Variants in CNTN5 observed in about 807,000 individuals in gnomAD.
The protein encoded by CNTN5 is contactin 5, also known as contactin-5.
Under a neutral mutation model 129.1 loss-of-function variants are expected in CNTN5, and 77 were observed. That is an observed-to-expected ratio of 0.60 (90% CI 0.50 to 0.72). The LOEUF (loss-of-function observed/expected upper bound fraction) is 0.72, where lower values mean the gene tolerates loss of function less well. Ranked by LOEUF, CNTN5 falls within the 30% of genes least tolerant of loss-of-function variation. CNTN5 has a pLI of 0.00. For synonymous variants in CNTN5, 509 were observed against 465.6 expected (o/e 1.09, Z -1.20); for missense variants, 1,478 against 1,328.8 (o/e 1.11, Z -1.75).
At chr11:100,115,728 A>G in intron 13 of CNTN5, among the ~76,000 whole-genome samples, 1 of 152,058 alleles carries the variant, frequency 6.6e-6, no homozygotes, top group Non-Finnish European at 1.5e-5. Flanking sequence ...ATAAAATGTT[A>G]GTGGAATTTG....
chr11:100,091,424 CTTTTTT>C (rs60075209), intron 13 of CNTN5, among the ~76,000 whole-genome samples: 10,958 of 114,266 alleles, frequency 0.096, 743 homozygotes, highest in African/African-American at 0.27. Flanking sequence ...TTTATTTATT[CTTTTTT>C]TTTTTTTTTT....
chr11:99,282,780 A>G lies in CNTN5; in HGVS notation c.-209-42566A>G, dbSNP rs78324540. ...ACAGGAAAGCGTTACTTTTCCCTCA[A>G]CAAAGGAAACCCCTACTTAGATTCC... is the stretch of plus-strand genomic sequence containing the variant. On this transcript the variant is annotated intron_variant, in intron 1 of 24. Coordinates refer to ENST00000524871, the MANE Select transcript of CNTN5 (RefSeq NM_014361.4). Among the ~76,000 whole-genome samples, 391 of 152,070 alleles carry G rather than the reference A, an allele frequency of 2.6e-3. 1 individual carries two copies. Among genetic ancestry groups the G allele is most frequent in the Non-Finnish European group, 4.4e-3 (301 of 67,968 alleles).
At chr11:100,039,868 A>G (rs1942269749) in intron 9 of CNTN5, among the ~76,000 whole-genome samples, 1 of 152,004 alleles carries the variant, frequency 6.6e-6, no homozygotes, top group Non-Finnish European at 1.5e-5. Context: ...TTATCCATTC[A>G]TCTAACTTTT....
intron 3 of CNTN5, among the ~76,000 whole-genome samples, chr11:99,688,161 A>G (rs1437112945): frequency 1.3e-5 from 2 of 152,152 alleles, no homozygotes; most frequent in African/African-American, 4.8e-5. Flanking sequence ...AAGGAAACAG[A>G]GTAGTCATAT....
intron 3 of CNTN5, among the ~76,000 whole-genome samples, chr11:99,691,821 G>T (rs1311302120): frequency 6.6e-6 from 1 of 152,078 alleles, no homozygotes; most frequent in Admixed American, 6.6e-5. Context: ...CTGTCTCGAT[G>T]ATCTGTCTGA....
chr11:100,079,236 G>T (rs754898662), intron 13 of CNTN5, among the ~76,000 whole-genome samples: 2 of 152,108 alleles, frequency 1.3e-5, no homozygotes, highest in Non-Finnish European at 2.9e-5. Flanking sequence ...AATATAATTT[G>T]TACCTTTGAA....
rs199749885 is a variant in CNTN5, at chr11:99,846,149, C to CAT, written c.577+888_577+889insTA. 2.2e-3 allele frequency among the ~76,000 whole-genome samples: 337 copies of CAT among 151,208 alleles called. 5 individuals carry two copies. The East Asian group carries it at 0.043, about 20-fold the overall frequency. On this transcript the variant is annotated intron_variant, in intron 6 of 24. Coordinates refer to ENST00000524871, the MANE Select transcript of CNTN5 (RefSeq NM_014361.4). ...ACATAGACACACACACACACACACA[C>CAT]ACACACACACACGAATATAAACATT... is the stretch of plus-strand genomic sequence containing the variant.
chr11:99,805,179 A>G (rs1946230515), intron 3 of CNTN5, among the ~76,000 whole-genome samples: 1 of 152,180 alleles, frequency 6.6e-6, no homozygotes, highest in Non-Finnish European at 1.5e-5. Context: ...CATTACTTTC[A>G]TGGAATTGTG....
At chr11:100,278,189 G>A (rs61677093) in intron 18 of CNTN5, among the ~76,000 whole-genome samples, 3,948 of 151,928 alleles carry the variant, frequency 0.026, 188 homozygotes, top group African/African-American at 0.09. Context: ...TTTATGCCAG[G>A]GCCATGCTGT....
At chr11:99,982,255 T>G (rs1938393263) in intron 8 of CNTN5, among the ~76,000 whole-genome samples, 1 of 152,198 alleles carries the variant, frequency 6.6e-6, no homozygotes, top group East Asian at 1.9e-4. Flanking sequence ...TTGGGGCAGG[T>G]TTTCAAAGAT....
At chr11:99,101,237 C>G (rs1866720067) in intron 1 of CNTN5, among the ~76,000 whole-genome samples, 1 of 152,174 alleles carries the variant, frequency 6.6e-6, no homozygotes, top group Admixed American at 6.5e-5. Flanking sequence ...CACCAGTTTC[C>G]TGCCACAACA....
At chr11:99,666,467 C>T (rs1952797497) in intron 3 of CNTN5, among the ~76,000 whole-genome samples, 1 of 152,118 alleles carries the variant, frequency 6.6e-6, no homozygotes, top group South Asian at 2.1e-4. Flanking sequence ...GCTTCCTTTG[C>T]TTTCCTATTG....
chr11:100,215,636 A>G (rs1949123743), intron 15 of CNTN5, among the ~76,000 whole-genome samples: 1 of 152,164 alleles, frequency 6.6e-6, no homozygotes, highest in South Asian at 2.1e-4. Context: ...CTTAGTCACT[A>G]TAATGGAAAC....
At chr11:99,100,951 T>C (rs1450696073) in intron 1 of CNTN5, among the ~76,000 whole-genome samples, 2 of 152,198 alleles carry the variant, frequency 1.3e-5, no homozygotes, top group African/African-American at 4.8e-5. Context: ...AATATGATTG[T>C]ATTAGTCCAT....
chr11:100,037,758 A>G (rs1323293925), intron 9 of CNTN5, among the ~76,000 whole-genome samples: 1 of 152,024 alleles, frequency 6.6e-6, no homozygotes, highest in Non-Finnish European at 1.5e-5. Context: ...ATTTGTGTAG[A>G]GGTGTTTATA....
chr11:99,901,441 C>T (rs1233283610), intron 6 of CNTN5, among the ~76,000 whole-genome samples: 1 of 152,024 alleles, frequency 6.6e-6, no homozygotes, highest in Non-Finnish European at 1.5e-5. Context: ...CAGGTGTGCA[C>T]CACCATGCCC....
At chr11:100,354,852 A>G (rs765796030) in intron 24 of CNTN5, among the ~76,000 whole-genome samples, 2 of 151,640 alleles carry the variant, frequency 1.3e-5, no homozygotes, top group Non-Finnish European at 3.0e-5. Context: ...TACAGTAAAG[A>G]TATAGTCAGT....
rs553251944 is a variant in CNTN5, at chr11:99,182,054, A to G, written c.-209-143292A>G. On this transcript the variant is annotated intron_variant, in intron 1 of 24. Transcript: ENST00000524871. Reference sequence around the variant, plus strand: ...AACTTATTGTAATCCACTCATCCACATTCAAGTTTGCAGTTATGGTGGGAA... The same window carrying G: ...AACTTATTGTAATCCACTCATCCACGTTCAAGTTTGCAGTTATGGTGGGAA... 2.6e-5 allele frequency among the ~76,000 whole-genome samples: 4 copies of G among 152,276 alleles called. No homozygotes were observed. The East Asian group carries it at 7.7e-4, about 29-fold the overall frequency.
At chr11:99,331,280 A>G (rs1865988592) in intron 2 of CNTN5, among the ~76,000 whole-genome samples, 1 of 152,160 alleles carries the variant, frequency 6.6e-6, no homozygotes, top group African/African-American at 2.4e-5. Flanking sequence ...TGGAGAAAGA[A>G]TGGACTATGC....
Sources: allele counts gnomAD v4.1 joint callset (sites outside exome capture counted in the v4.1 genomes callset), GRCh38; gene constraint gnomAD v4.1.1; transcripts MANE v1.5; gene names NCBI Gene and HGNC (gene_info 2026-07-23, HGNC 2026-07-21).